The following BRIP1 variants were observed in gnomAD, a reference collection of about 807,000 sequenced individuals.
BRIP1 encodes Fanconi anemia group J protein.
Under a neutral mutation model 119.7 loss-of-function variants are expected in BRIP1, and 88 were observed. The observed-to-expected ratio is 0.74, with a 90% confidence interval of 0.62 to 0.88. The LOEUF is 0.88. Ranked by LOEUF, BRIP1 falls within the 40% of genes least tolerant of loss-of-function variation. BRIP1 has a pLI of 0.00. For synonymous variants in BRIP1, 443 were observed against 496.5 expected (o/e 0.89, Z 1.43); for missense variants, 1,259 against 1,455.4 (o/e 0.87, Z 2.20).
At chr17:61,850,843 A>T (rs2078810744) in intron 4 of BRIP1, among the ~76,000 whole-genome samples, 1 of 152,036 alleles carries the variant, frequency 6.6e-6, no homozygotes, top group Non-Finnish European at 1.5e-5. Context: ...AAAAAAAGAA[A>T]GCTTGAGATT....
Position 61,710,484 on chromosome 17 carries a change from T to A in BRIP1, c.2492+5467A>T, listed in dbSNP as rs2061754478. On this transcript the variant is annotated intron_variant, in intron 17 of 19. Coordinates refer to ENST00000259008, the MANE Select transcript of BRIP1 (RefSeq NM_032043.3). The surrounding 1 kb of genome is among the most constrained non-coding windows in gnomAD (Gnocchi z 5.4). ...TTTACTAAGGTATAAATAACTCTAG[T>A]TGGAGAAGTTTTAAAGGTCCTCATA... Among the ~76,000 whole-genome samples, 1 of 152,152 alleles carries A rather than the reference T, an allele frequency of 6.6e-6. No homozygotes were observed. The highest frequency in any genetic ancestry group is 1.5e-5 in the Non-Finnish European group (1 of 68,016).
At chr17:61,773,106 T>C (rs1413400334) in intron 14 of BRIP1, among the ~76,000 whole-genome samples, 3 of 151,992 alleles carry the variant, frequency 2.0e-5, no homozygotes, top group Admixed American at 1.3e-4. Flanking sequence ...TTTAATGATA[T>C]GTATTATAAA....
In BRIP1 at chr17:61,780,466, A is replaced by C. The variant is rs2077600340; in HGVS notation, c.1795-65T>G. ...GAAGAGGCTGGGCAAAGTGGCTCAC[A>C]CCTGTAATCCCAGCACTTTGGGAGG... On this transcript the variant is annotated intron_variant, in intron 12 of 19. Transcript: ENST00000259008. This position sits in a 1 kb window ranked among gnomAD's most constrained non-coding sequence, Gnocchi z 5.4. 1.4e-6 allele frequency: 2 copies of C among 1,395,512 alleles called. No homozygotes were observed. Among genetic ancestry groups the C allele is most frequent in the Non-Finnish European group, 2.0e-6 (2 of 985,464 alleles). 86.4% of individuals were successfully genotyped at this position (1,395,512 alleles called of 1,614,324 possible).
Position 61,722,215 on chromosome 17 carries a change from G to C in BRIP1, c.2380-6152C>G, listed in dbSNP as rs573740373. On this transcript the variant is annotated intron_variant, in intron 16 of 19. Coordinates refer to ENST00000259008, the MANE Select transcript of BRIP1 (RefSeq NM_032043.3). The surrounding 1 kb of genome is among the most constrained non-coding windows in gnomAD (Gnocchi z 4.6). Reference sequence around the variant, plus strand: ...TGCCACCATGCCCAGCTATTCTTTTGTATTTTTAGTAGAGAGGGGGGTTTC... The same window carrying C: ...TGCCACCATGCCCAGCTATTCTTTTCTATTTTTAGTAGAGAGGGGGGTTTC... 2.3e-3 allele frequency among the ~76,000 whole-genome samples: 346 copies of C among 151,956 alleles called. No homozygotes were observed. Among genetic ancestry groups the C allele is most frequent in the Admixed American group, 4.5e-3 (68 of 15,250 alleles).
rs2078701749 is a variant in BRIP1, at chr17:61,844,571, C to T, written c.627+2530G>A. On this transcript the variant is annotated intron_variant, in intron 6 of 19. Transcript: ENST00000259008. This position sits in a 1 kb window ranked among gnomAD's most constrained non-coding sequence, Gnocchi z 4.7. The stretch of plus-strand genomic sequence containing the variant: ...CACCACTGCGTTACAACATGGGCAA[C>T]ACATTGAGACCCTGTGTCTACAAAT... 6.6e-6 allele frequency among the ~76,000 whole-genome samples: 1 copy of T among 152,140 alleles called. No individual in the cohort carries two copies. Among genetic ancestry groups the T allele is most frequent in the African/African-American group, 2.4e-5 (1 of 41,432 alleles).
In BRIP1 at chr17:61,725,143, G is replaced by GTATA. The variant is rs1491134161; in HGVS notation, c.2380-9081_2380-9080insTATA. Among the ~76,000 whole-genome samples, 1 of 151,764 alleles carries GTATA rather than the reference G, an allele frequency of 6.6e-6. No individual in the cohort carries two copies. Among genetic ancestry groups the GTATA allele is most frequent in the East Asian group, 1.9e-4 (1 of 5,170 alleles). On this transcript the variant is annotated intron_variant, in intron 16 of 19. Transcript: ENST00000259008. This position sits in a 1 kb window ranked among gnomAD's most constrained non-coding sequence, Gnocchi z 5.3. Reference sequence around the variant, plus strand: ...AAATAGTGTGTGTGTGTGTGTGTGTGTGTATATACACTTTTTTTAAATGGG... The same window carrying GTATA: ...AAATAGTGTGTGTGTGTGTGTGTGTGTATATGTATATACACTTTTTTTAAATGGG...
At position 61,831,937 on chromosome 17, in the gene BRIP1, AAT is replaced by A. The variant is rs758222252; in HGVS notation, c.627+15162_627+15163del. Among the ~76,000 whole-genome samples, 7 of 152,198 alleles carry A rather than the reference AAT, an allele frequency of 4.6e-5. No homozygotes were observed. The highest frequency in any genetic ancestry group is 7.3e-5 in the Non-Finnish European group (5 of 68,030). ...TGTACAGACAGACAGATACAGAAAA[AAT>A]ATAGACATAAATGTATATGTCTATG... On this transcript the variant is annotated intron_variant, in intron 6 of 19. Coordinates refer to ENST00000259008, the MANE Select transcript of BRIP1 (RefSeq NM_032043.3). The surrounding 1 kb of genome is among the most constrained non-coding windows in gnomAD (Gnocchi z 4.1).
Position 61,713,305 on chromosome 17 carries a change from A to C in BRIP1, c.2492+2646T>G. On this transcript the variant is annotated intron_variant, in intron 17 of 19. Transcript: ENST00000259008. The surrounding 1 kb of genome is among the most constrained non-coding windows in gnomAD (Gnocchi z 4.9). ...TCACTACAGTGTACTCCTTTCACTT[A>C]CATTAAAAAAAAAGTTAACTATAAA... 6.6e-6 allele frequency among the ~76,000 whole-genome samples: 1 copy of C among 150,480 alleles called. No homozygotes were observed. Among genetic ancestry groups the C allele is most frequent in the South Asian group, 2.3e-4 (1 of 4,400 alleles).
chr17:61,747,402 T>C (rs1173018434), intron 14 of BRIP1, among the ~76,000 whole-genome samples: 1 of 151,854 alleles, frequency 6.6e-6, no homozygotes, highest in East Asian at 1.9e-4. Flanking sequence ...TGACAAGTCT[T>C]TACCTAGATT....
rs2061279091 is a variant in BRIP1, at chr17:61,682,189, G to A, written c.*1107C>T. The A allele has an allele frequency of 5.0e-6, 1 of 198,144 alleles. No homozygotes were observed. Among genetic ancestry groups the A allele is most frequent in the African/African-American group, 2.3e-5 (1 of 43,338 alleles). The allele number at this position is 198,144 out of a possible 1,614,324, so 12.3% of individuals were successfully genotyped here. A position where few individuals can be genotyped will look rare whatever the true frequency, so the allele number is the denominator to read the frequency against. On this transcript the variant is annotated 3_prime_UTR_variant, in exon 20 of 20. Transcript: ENST00000259008. This position sits in a 1 kb window ranked among gnomAD's most constrained non-coding sequence, Gnocchi z 4.9. ...TTTGCTTATCAAATTTATATATGAA[G>A]TTTTCTATCTTAATCATTGTATAAC...
chr17:61,756,583 T>G lies in BRIP1; in HGVS notation c.2098-11992A>C, dbSNP rs1255363540. ...ACTAAAAGACACTTTAGAATGCCCATGTCTTATCTGGATATTGTCATTTTA... is the reference window on the plus strand; with the variant it reads ...ACTAAAAGACACTTTAGAATGCCCAGGTCTTATCTGGATATTGTCATTTTA... On this transcript the variant is annotated intron_variant, in intron 14 of 19. Coordinates refer to ENST00000259008, the MANE Select transcript of BRIP1 (RefSeq NM_032043.3). The surrounding 1 kb of genome is among the most constrained non-coding windows in gnomAD (Gnocchi z 4.3). Among the ~76,000 whole-genome samples, 1 of 152,212 alleles carries G rather than the reference T, an allele frequency of 6.6e-6. No individual in the cohort carries two copies. Among genetic ancestry groups the G allele is most frequent in the Admixed American group, 6.5e-5 (1 of 15,276 alleles).
rs898403333 is a variant in BRIP1, at chr17:61,827,587, G to A, written c.628-18830C>T. ...TATTAAAAATACAAAAAATTAGCCA[G>A]GCGTGGGGGCACACACCTGTAATCC... On this transcript the variant is annotated intron_variant, in intron 6 of 19. Transcript: ENST00000259008. The surrounding 1 kb of genome is among the most constrained non-coding windows in gnomAD (Gnocchi z 5.8). 5.9e-5 allele frequency among the ~76,000 whole-genome samples: 9 copies of A among 152,108 alleles called. No individual in the cohort carries two copies. The highest frequency in any genetic ancestry group is 1.4e-4 in the African/African-American group (6 of 41,408).
intron 16 of BRIP1, among the ~76,000 whole-genome samples, chr17:61,732,488 C>T (rs1455244507): frequency 6.6e-6 from 1 of 152,126 alleles, no homozygotes; most frequent in Non-Finnish European, 1.5e-5. Context: ...TCAACTTCAG[C>T]TTTCCTAAGC....
In BRIP1 at chr17:61,848,958, A is replaced by C. The variant is rs545961981; in HGVS notation, c.507+171T>G. On this transcript the variant is annotated intron_variant, in intron 5 of 19. Transcript: ENST00000259008. The surrounding 1 kb of genome is among the most constrained non-coding windows in gnomAD (Gnocchi z 4.3). ...ATGTTACTGTGAATAATCTGCTATA[A>C]TAAACTCCTTTGTAACAAGTAACTC... 6.6e-6 allele frequency among the ~76,000 whole-genome samples: 1 copy of C among 152,300 alleles called. No individual in the cohort carries two copies. The highest frequency in any genetic ancestry group is 2.1e-4 in the South Asian group (1 of 4,824).
intron 10 of BRIP1, among the ~76,000 whole-genome samples, chr17:61,791,823 A>G (rs1787752098): frequency 6.6e-6 from 1 of 152,180 alleles, no homozygotes; most frequent in Admixed American, 6.5e-5. Flanking sequence ...ACATATATAT[A>G]TAATGAAATA....
In BRIP1 at chr17:61,739,276, T is replaced by G. The variant is rs781102554; in HGVS notation, c.2379+3737A>C. On this transcript the variant is annotated intron_variant, in intron 16 of 19. Transcript: ENST00000259008. The surrounding 1 kb of genome is among the most constrained non-coding windows in gnomAD (Gnocchi z 6.0). ...TGGAATGCAGCACCAATGCTGTTGA[T>G]GGTGACAGTAGATTTCTTGGGTAGA... is the stretch of plus-strand genomic sequence containing the variant. 78 of 200,216 alleles carry G rather than the reference T, an allele frequency of 3.9e-4. No individual in the cohort carries two copies. The highest frequency in any genetic ancestry group is 5.8e-4 in the Non-Finnish European group (56 of 96,946). 12.4% of individuals were successfully genotyped at this position (200,216 alleles called of 1,614,324 possible). A position where few individuals can be genotyped will look rare whatever the true frequency, so the allele number is the denominator to read the frequency against.
rs369814581 is a variant in BRIP1 at position 61,680,835 on chromosome 17, A to G, written c.*2461T>C. 1.2e-4 allele frequency among the ~76,000 whole-genome samples: 19 copies of G among 152,298 alleles called. No individual in the cohort carries two copies. Among genetic ancestry groups the G allele is most frequent in the African/African-American group, 3.6e-4 (15 of 41,552 alleles). On this transcript the variant is annotated 3_prime_UTR_variant, in exon 20 of 20. Coordinates refer to ENST00000259008, the MANE Select transcript of BRIP1 (RefSeq NM_032043.3). ...TTTAATTGTAGCATTGCGAAAATAA[A>G]TATCTAGCTTTCCAAGTTATTATGC...
In BRIP1 at chr17:61,781,122, A is replaced by T. The variant is rs2077614356; in HGVS notation, c.1629-117T>A. The T allele has an allele frequency of 1.2e-5, 11 of 884,050 alleles. No homozygotes were observed. In the South Asian group the frequency reaches 1.7e-4, roughly 13 times the overall value. 54.8% of individuals were successfully genotyped at this position (884,050 alleles called of 1,614,324 possible). A position where few individuals can be genotyped will look rare whatever the true frequency, so the allele number is the denominator to read the frequency against. On this transcript the variant is annotated intron_variant, in intron 11 of 19. Coordinates refer to ENST00000259008, the MANE Select transcript of BRIP1 (RefSeq NM_032043.3). ...CATTTGAAAGAGCTGGTACCTTCCCATTCAAAAATAACATTCTCCTTACCA... is the reference window on the plus strand; with the variant it reads ...CATTTGAAAGAGCTGGTACCTTCCCTTTCAAAAATAACATTCTCCTTACCA...
intron 14 of BRIP1, among the ~76,000 whole-genome samples, chr17:61,773,378 A>T (rs2077487259): frequency 6.6e-6 from 1 of 152,160 alleles, no homozygotes; most frequent in Non-Finnish European, 1.5e-5. Flanking sequence ...CTGAAACTGG[A>T]TCCCTTCCTT....
Sources: allele counts gnomAD v4.1 joint callset (sites outside exome capture counted in the v4.1 genomes callset), GRCh38; gene constraint gnomAD v4.1.1; non-coding constraint Gnocchi (gnomAD v3.1); transcripts MANE v1.5; gene names NCBI Gene and HGNC (gene_info 2026-07-23, HGNC 2026-07-21).